The following ANOS1 variants were observed in gnomAD, a reference collection of about 807,000 sequenced individuals.
ANOS1 encodes the protein anosmin-1.
ANOS1 carries 6 observed loss-of-function variants against 59.0 expected under a neutral mutation model. The observed-to-expected ratio is 0.10, with a 90% CI of 0.06 to 0.20. The LOEUF is 0.20. Ranked by LOEUF, ANOS1 falls within the 10% of genes least tolerant of loss-of-function variation. ANOS1 has a pLI of 1.00. For synonymous variants in ANOS1, 217 were observed against 223.4 expected (o/e 0.97, Z 0.25); for missense variants, 433 against 542.3 (o/e 0.80, Z 2.00).
In ANOS1 at chrX:8,719,881, T is replaced by C. The variant is rs115743743; in HGVS notation, c.207+11949A>G. Reference sequence around the variant, plus strand: ...AACAAAAGGGTAAACAGAATGTGAATTAAGAGCCTTGATTAGTTGCCGGAT... The same window carrying C: ...AACAAAAGGGTAAACAGAATGTGAACTAAGAGCCTTGATTAGTTGCCGGAT... On this transcript the variant is annotated intron_variant, in intron 1 of 13. Coordinates refer to ENST00000262648, the MANE Select transcript of ANOS1 (RefSeq NM_000216.4). Among the ~76,000 whole-genome samples the C allele has an allele frequency of 4.6e-4, 51 of 111,238 alleles. 1 individual carries two copies. Among genetic ancestry groups the C allele is most frequent in the African/African-American group, 1.6e-3 (48 of 30,713 alleles).
chrX:8,687,282 C>T (rs918717912), intron 2 of ANOS1, among the ~76,000 whole-genome samples: 1 of 110,810 alleles, frequency 9.0e-6, no homozygotes, highest in Non-Finnish European at 1.9e-5. Context: ...CACCAGGATA[C>T]GATGAGTTTC....
At position 8,664,571 on chromosome X, in the gene ANOS1, G is replaced by A. The variant is rs182421780; in HGVS notation, c.255+35127C>T. On this transcript the variant is annotated intron_variant, in intron 2 of 13. Transcript: ENST00000262648. ...AAATTCCAGCCACTACAAAATAAAT[G>A]TATGCGTGCATGCACACACACACAT... Among the ~76,000 whole-genome samples the A allele has an allele frequency of 4.1e-3, 453 of 110,139 alleles. 5 individuals carry two copies. Among genetic ancestry groups the A allele is most frequent in the African/African-American group, 0.014 (434 of 30,104 alleles).
intron 3 of ANOS1, among the ~76,000 whole-genome samples, chrX:8,617,917 G>C (rs1049627967): frequency 6.3e-5 from 7 of 111,700 alleles, no homozygotes; most frequent in African/African-American, 6.5e-5. Flanking sequence ...TCCCTGATGA[G>C]GGAAGTAAAA....
chrX:8,616,044 CT>C (rs5901371), intron 3 of ANOS1, among the ~76,000 whole-genome samples: 40,230 of 104,753 alleles, frequency 0.38, 5,722 homozygotes, highest in South Asian at 0.43. Flanking sequence ...CCCCTGATCA[CT>C]TTTTTTTTTT....
rs745899236 is a variant in ANOS1, at chrX:8,695,725, T to C, written c.255+3973A>G. On this transcript the variant is annotated intron_variant, in intron 2 of 13. Coordinates refer to ENST00000262648, the MANE Select transcript of ANOS1 (RefSeq NM_000216.4). ...AAAAAAAAAAAAAAAAAAAACCTAGTGCATCAAGACAATCAACCACTAAAT... is the reference window on the plus strand; with the variant it reads ...AAAAAAAAAAAAAAAAAAAACCTAGCGCATCAAGACAATCAACCACTAAAT... Among the ~76,000 whole-genome samples the C allele has an allele frequency of 5.1e-3, 546 of 106,691 alleles. 3 individuals are homozygous for C. The highest frequency in any genetic ancestry group is 0.018 in the African/African-American group (514 of 29,122). 92.6% of individuals were successfully genotyped at this position (106,691 alleles called of 115,157 possible).
intron 6 of ANOS1, among the ~76,000 whole-genome samples, chrX:8,575,705 C>A (rs986730207): frequency 1.8e-5 from 2 of 111,649 alleles, no homozygotes; most frequent in Non-Finnish European, 3.8e-5. Context: ...TTACATTTTT[C>A]TCAAAAGGAA....
At chrX:8,557,413 C>T (rs1375089811) in intron 8 of ANOS1, among the ~76,000 whole-genome samples, 4 of 109,941 alleles carry the variant, frequency 3.6e-5, no homozygotes, top group African/African-American at 1.3e-4. Context: ...AAAATTTTTG[C>T]AATCTATCCA....
intron 3 of ANOS1, among the ~76,000 whole-genome samples, chrX:8,616,187 T>C (rs1482826187): frequency 9.0e-6 from 1 of 110,914 alleles, no homozygotes; most frequent in Non-Finnish European, 1.9e-5. Flanking sequence ...CACAGTGAGC[T>C]CCCTGTCGCA....
At chrX:8,597,753 C>A (rs768967948) in intron 3 of ANOS1, among the ~76,000 whole-genome samples, 2 of 97,025 alleles carry the variant, frequency 2.1e-5, no homozygotes, top group South Asian at 1.1e-3. Context: ...TTCACTGAAG[C>A]CTTGAACTCC....
At chrX:8,698,886 T>C (rs1932722519) in intron 2 of ANOS1, among the ~76,000 whole-genome samples, 1 of 112,033 alleles carries the variant, frequency 8.9e-6, no homozygotes, top group Non-Finnish European at 1.9e-5. Flanking sequence ...TTCATAAATA[T>C]GCTATTTCAA....
At chrX:8,563,763 C>A (rs750248500) in intron 8 of ANOS1, among the ~76,000 whole-genome samples, 1 of 111,848 alleles carries the variant, frequency 8.9e-6, no homozygotes, top group South Asian at 3.7e-4. Context: ...ATTCAAGAAA[C>A]CTGTGGGTCC....
rs187130544 is a variant in ANOS1 at position 8,567,377 on chromosome X, T to C, written c.1207+855A>G. On this transcript the variant is annotated intron_variant, in intron 8 of 13. Coordinates refer to ENST00000262648, the MANE Select transcript of ANOS1 (RefSeq NM_000216.4). ...AACAGGCATGCCACACCACTTTTTG[T>C]GCCCCCTATCCACTCGCGTACATAC... 7.5e-3 allele frequency among the ~76,000 whole-genome samples: 845 copies of C among 112,050 alleles called. 3 individuals carry two copies. The highest frequency in any genetic ancestry group is 0.013 in the Non-Finnish European group (693 of 53,210).
intron 2 of ANOS1, among the ~76,000 whole-genome samples, chrX:8,671,271 T>G (rs766643699): frequency 1.8e-5 from 2 of 111,801 alleles, no homozygotes; most frequent in African/African-American, 6.5e-5. Flanking sequence ...CTCAGTGCCA[T>G]TGTACGTGCT....
At chrX:8,572,862 G>A (rs1359378786) in intron 6 of ANOS1, among the ~76,000 whole-genome samples, 1 of 110,788 alleles carries the variant, frequency 9.0e-6, no homozygotes, top group Non-Finnish European at 1.9e-5. Flanking sequence ...TGGCTCCTAT[G>A]AGGTCTGAAC....
At chrX:8,704,007 T>C (rs1373145258) in intron 1 of ANOS1, among the ~76,000 whole-genome samples, 1 of 110,804 alleles carries the variant, frequency 9.0e-6, no homozygotes, top group Non-Finnish European at 1.9e-5. Context: ...GGAGAGGTAA[T>C]TGAATCATGG....
intron 4 of ANOS1, among the ~76,000 whole-genome samples, chrX:8,595,023 G>A (rs1017184049): frequency 1.8e-5 from 2 of 108,796 alleles, no homozygotes; most frequent in Non-Finnish European, 3.8e-5. Flanking sequence ...ATTCTGGCCC[G>A]TTCTACAATA....
chrX:8,540,425 A>G (rs1929664465), intron 9 of ANOS1, among the ~76,000 whole-genome samples: 1 of 111,107 alleles, frequency 9.0e-6, no homozygotes, highest in Admixed American at 9.6e-5. Flanking sequence ...GGTGTTCTCA[A>G]ACACAGGCCA....
intron 6 of ANOS1, among the ~76,000 whole-genome samples, chrX:8,580,978 TTC>T (rs1401660749): frequency 2.8e-4 from 31 of 111,760 alleles, no homozygotes; most frequent in African/African-American, 9.8e-4. Context: ...ACAGTTTCAA[TTC>T]TGGAGCAAAC....
chrX:8,616,944 A>C (rs1312415483), intron 3 of ANOS1, among the ~76,000 whole-genome samples: 2 of 112,585 alleles, frequency 1.8e-5, no homozygotes, highest in Non-Finnish European at 3.7e-5. Context: ...TCTTAGGAAA[A>C]TATTTCCAAG....
Sources: gnomAD v4.1 joint callset for allele counts (sites outside exome capture counted in the v4.1 genomes callset) on GRCh38, gnomAD v4.1.1 for gene constraint, MANE v1.5 for transcripts, NCBI Gene and HGNC (gene_info 2026-07-23, HGNC 2026-07-21) for gene names.